CNTNAP5: variants seen among roughly 807,000 people sequenced by gnomAD.
CNTNAP5 encodes contactin associated protein family member 5.
In CNTNAP5, 72 loss-of-function variants were observed where a neutral mutation model predicts 150.2. The ratio of observed to expected loss-of-function variants is 0.48; its 90% CI spans 0.40 to 0.58. The LOEUF (loss-of-function observed/expected upper bound fraction) is 0.58. CNTNAP5 is among the 20% of genes least tolerant of loss of function. CNTNAP5 has a pLI of 0.00. For synonymous variants in CNTNAP5, 672 were observed against 619.8 expected (o/e 1.08, Z -1.25); for missense variants, 1,636 against 1,626.2 (o/e 1.01, Z -0.10).
At chr2:124,809,421 T>A (rs1438930485) in intron 19 of CNTNAP5, among the ~76,000 whole-genome samples, 3 of 109,486 alleles carry the variant, frequency 2.7e-5, no homozygotes, top group Non-Finnish European at 3.9e-5. Context: ...TTTATTTATT[T>A]ATTAAGAAAC....
At chr2:124,912,767 G>A (rs903819281) in intron 23 of CNTNAP5, among the ~76,000 whole-genome samples, 3 of 151,988 alleles carry the variant, frequency 2.0e-5, no homozygotes, top group African/African-American at 4.8e-5. Context: ...TTAAGGACAG[G>A]GAAGTCATCT....
intron 14 of CNTNAP5, among the ~76,000 whole-genome samples, chr2:124,752,068 G>C (rs1308086092): frequency 2.0e-5 from 3 of 152,076 alleles, no homozygotes; most frequent in Non-Finnish European, 1.5e-5. Context: ...TTGGAGTTTT[G>C]AATAATAGCC....
rs1486425523 is a variant in CNTNAP5, at chr2:124,609,821, G to A, written c.1777G>A (p.Glu593Lys). Reference protein sequence around the residue: ...CHNSIYEQSCEVYRHQGNTAG... With the variant: ...CHNSIYEQSCKVYRHQGNTAG... ...TCCAGCCATCTACGAGCAATCCTGC[G>A]AGGTGTACAGGCACCAGGGGAATAC... The change falls in exon 12 of 24, where the codon GAG becomes AAG. Residue 593 changes from glutamate to lysine, a missense_variant. Coordinates refer to ENST00000682447, the MANE Select transcript of CNTNAP5 (RefSeq NM_001367498.1). The A allele has an allele frequency of 6.2e-7, 1 of 1,613,888 alleles. No homozygotes were observed.
At chr2:124,174,590 A>G (rs1204887634) in intron 1 of CNTNAP5, among the ~76,000 whole-genome samples, 1 of 152,220 alleles carries the variant, frequency 6.6e-6, no homozygotes, top group African/African-American at 2.4e-5. Flanking sequence ...CTGCAATTTC[A>G]TGATAGACTC....
At chr2:124,534,156 G>C (rs539564726) in intron 10 of CNTNAP5, among the ~76,000 whole-genome samples, 10 of 152,244 alleles carry the variant, frequency 6.6e-5, no homozygotes, top group African/African-American at 2.2e-4. Context: ...ATAGGCCATG[G>C]AAAAGTGAGG....
intron 16 of CNTNAP5, among the ~76,000 whole-genome samples, chr2:124,770,022 T>C (rs1681156502): frequency 6.6e-6 from 1 of 152,214 alleles, no homozygotes; most frequent in African/African-American, 2.4e-5. Context: ...TTACTGATTC[T>C]AGGAGGTGCA....
intron 8 of CNTNAP5, among the ~76,000 whole-genome samples, chr2:124,520,944 A>G (rs894737527): frequency 1.3e-5 from 2 of 152,152 alleles, no homozygotes; most frequent in Non-Finnish European, 2.9e-5. Flanking sequence ...GTCTCTAGGG[A>G]TGTTATTTTG....
intron 1 of CNTNAP5, among the ~76,000 whole-genome samples, chr2:124,087,504 A>T (rs2104682352): frequency 6.6e-6 from 1 of 151,940 alleles, no homozygotes; most frequent in Non-Finnish European, 1.5e-5. Context: ...GGGGCAGATC[A>T]TGAGGTCAAG....
At chr2:124,147,295 T>C (rs1052425046) in intron 1 of CNTNAP5, among the ~76,000 whole-genome samples, 6 of 152,228 alleles carry the variant, frequency 3.9e-5, no homozygotes, top group African/African-American at 1.4e-4. Context: ...TCAATGCATG[T>C]ACTATATATC....
chr2:124,503,088 C>T (rs144856596), intron 7 of CNTNAP5, among the ~76,000 whole-genome samples: 8 of 152,162 alleles, frequency 5.3e-5, no homozygotes, highest in Admixed American at 1.3e-4. Flanking sequence ...AGGTCCTTAC[C>T]CTTTGACACA....
chr2:124,273,519 T>G (rs546845572), intron 3 of CNTNAP5, among the ~76,000 whole-genome samples: 5 of 152,128 alleles, frequency 3.3e-5, no homozygotes, highest in Non-Finnish European at 7.3e-5. Context: ...AATTAGAGTT[T>G]CAGACCAGAA....
intron 4 of CNTNAP5, among the ~76,000 whole-genome samples, chr2:124,433,395 T>G (rs1471417973): frequency 1.3e-5 from 2 of 152,256 alleles, no homozygotes; most frequent in Non-Finnish European, 2.9e-5. Context: ...CAGAAAAGTA[T>G]TATTTCATTT....
chr2:124,245,812 T>C (rs2104773242), intron 3 of CNTNAP5, among the ~76,000 whole-genome samples: 1 of 152,066 alleles, frequency 6.6e-6, no homozygotes, highest in Non-Finnish European at 1.5e-5. Context: ...CTGACTGTAG[T>C]TTTGATGTCC....
intron 1 of CNTNAP5, among the ~76,000 whole-genome samples, chr2:124,210,542 C>G (rs1270940992): frequency 6.6e-6 from 1 of 152,032 alleles, no homozygotes; most frequent in Non-Finnish European, 1.5e-5. Context: ...GTTCAGGCTA[C>G]CATTATTATA....
intron 1 of CNTNAP5, among the ~76,000 whole-genome samples, chr2:124,161,493 G>C (rs1309424054): frequency 2.6e-5 from 4 of 152,096 alleles, no homozygotes; most frequent in African/African-American, 4.8e-5. Flanking sequence ...AGCTCCTAGA[G>C]GCTATTAGCA....
intron 6 of CNTNAP5, among the ~76,000 whole-genome samples, chr2:124,458,723 GTTAAAAGTGTCTACAAT>G (rs1031024435): frequency 5.3e-5 from 8 of 151,836 alleles, no homozygotes; most frequent in African/African-American, 9.7e-5. Context: ...TTATTAATAA[GTTAAAAGTGTCTACAAT>G]TTTTTAAAAA....
chr2:124,501,943 A>G (rs1694288303), intron 7 of CNTNAP5, among the ~76,000 whole-genome samples: 3 of 152,158 alleles, frequency 2.0e-5, no homozygotes, highest in African/African-American at 7.2e-5. Flanking sequence ...AAGAAGTTTT[A>G]GATAGCTGGA....
At chr2:124,030,982 A>G (rs1208519052) in intron 1 of CNTNAP5, among the ~76,000 whole-genome samples, 1 of 151,846 alleles carries the variant, frequency 6.6e-6, no homozygotes, top group African/African-American at 2.4e-5. Context: ...GCTAAACCTC[A>G]TCTTCACCAC....
intron 14 of CNTNAP5, among the ~76,000 whole-genome samples, chr2:124,752,673 T>G (rs991884863): frequency 6.6e-6 from 1 of 152,224 alleles, no homozygotes; most frequent in South Asian, 2.1e-4. Flanking sequence ...TACTGATTAA[T>G]GACTGTCTGC....
Sources: gnomAD v4.1 joint callset for allele counts (sites outside exome capture counted in the v4.1 genomes callset) on GRCh38, gnomAD v4.1.1 for gene constraint, MANE v1.5 for transcripts, NCBI Gene and HGNC (gene_info 2026-07-23, HGNC 2026-07-21) for gene names.